Variants in ANK3 observed in about 807,000 individuals in gnomAD.
ANK3 encodes the protein ankyrin-3.
ANK3 carries 57 observed loss-of-function variants against 370.9 expected under a neutral mutation model. That is an observed-to-expected ratio of 0.15 (90% CI 0.12 to 0.19). The LOEUF is 0.19. Among genes scored for constraint, ANK3 ranks in the 10% least tolerant of loss-of-function variants. The pLI is 1.00. For missense variants in ANK3, 4,439 were observed against 5,302.1 expected, an observed-to-expected ratio of 0.84 and a Z score of 5.06; for synonymous variants, 1,929 against 1,946.3, an observed-to-expected ratio of 0.99 and a Z score of 0.23.
chr10:60,295,892 T>G (rs909124813), intron 1 of ANK3, among the ~76,000 whole-genome samples: 3 of 152,200 alleles, frequency 2.0e-5, no homozygotes, highest in African/African-American at 7.2e-5. Flanking sequence ...GGTATTGTTT[T>G]ACGAGTCTGC....
chr10:60,191,049 T>G (rs2096468109), intron 16 of ANK3, among the ~76,000 whole-genome samples: 1 of 152,134 alleles, frequency 6.6e-6, no homozygotes, highest in Non-Finnish European at 1.5e-5. Flanking sequence ...AGAATGAAAC[T>G]GGACCCATAA....
At chr10:60,578,919 A>G (rs2077713905) in intron 2 of ANK3, among the ~76,000 whole-genome samples, 1 of 152,342 alleles carries the variant, frequency 6.6e-6, no homozygotes, top group African/African-American at 2.4e-5. Context: ...AACATGATAT[A>G]ATGATGAGTA....
intron 25 of ANK3, among the ~76,000 whole-genome samples, chr10:60,125,582 C>G (rs1412411313): frequency 1.3e-5 from 2 of 152,166 alleles, no homozygotes. Context: ...TAATCTGAGG[C>G]TGGCTACCTT....
chr10:60,650,236 C>T (rs567249384), intron 1 of ANK3, among the ~76,000 whole-genome samples: 58 of 152,168 alleles, frequency 3.8e-4, no homozygotes, highest in Admixed American at 3.6e-3. Context: ...TTTTTGTAAA[C>T]GAAGTTCTGT....
intron 1 of ANK3, among the ~76,000 whole-genome samples, chr10:60,622,693 A>G (rs2078354287): frequency 6.6e-6 from 1 of 152,184 alleles, no homozygotes; most frequent in Non-Finnish European, 1.5e-5. Context: ...GAATATATTA[A>G]AAGAGCTATC....
chr10:60,491,290 A>C (rs1250531788), intron 2 of ANK3, among the ~76,000 whole-genome samples: 3 of 152,208 alleles, frequency 2.0e-5, no homozygotes, highest in Admixed American at 1.3e-4. Context: ...AAACATATAA[A>C]GTGAGGGATC....
intron 2 of ANK3, among the ~76,000 whole-genome samples, chr10:60,397,690 A>T (rs2063271165): frequency 6.6e-6 from 1 of 152,156 alleles, no homozygotes; most frequent in Non-Finnish European, 1.5e-5. Context: ...TTGGAATCAG[A>T]CTAATTGAGT....
At chr10:60,375,783 C>T (rs952549927) in intron 1 of ANK3, among the ~76,000 whole-genome samples, 3 of 152,186 alleles carry the variant, frequency 2.0e-5, no homozygotes, top group Admixed American at 1.3e-4. Flanking sequence ...AGGTATTTAT[C>T]GTTTCCTTAT....
At chr10:60,034,200 G>T (rs891999560) in intron 43 of ANK3, among the ~76,000 whole-genome samples, 1 of 136,570 alleles carries the variant, frequency 7.3e-6, no homozygotes, top group Non-Finnish European at 1.5e-5. Flanking sequence ...TCCACCTCCC[G>T]GGCTCCAGTG....
At chr10:60,157,533 C>T (rs2095370411) in intron 23 of ANK3, among the ~76,000 whole-genome samples, 1 of 151,728 alleles carries the variant, frequency 6.6e-6, no homozygotes, top group African/African-American at 2.4e-5. Context: ...GACAGAGTCT[C>T]CCTATGTTGC....
At chr10:60,716,309 G>T (rs1030885341) in intron 1 of ANK3, among the ~76,000 whole-genome samples, 1 of 152,076 alleles carries the variant, frequency 6.6e-6, no homozygotes, top group Non-Finnish European at 1.5e-5. Context: ...TACAATCAGA[G>T]TATTGCTTCT....
intron 1 of ANK3, among the ~76,000 whole-genome samples, chr10:60,675,648 G>A (rs2079115234): frequency 6.6e-6 from 1 of 152,174 alleles, no homozygotes; most frequent in Non-Finnish European, 1.5e-5. Flanking sequence ...AAATTTGAGT[G>A]GTTACTTTCT....
At chr10:60,672,357 G>A (rs138702336) in intron 1 of ANK3, among the ~76,000 whole-genome samples, 1 of 152,298 alleles carries the variant, frequency 6.6e-6, no homozygotes, top group East Asian at 1.9e-4. Context: ...GGAAGGACCA[G>A]GCCATGATTA....
chr10:60,232,025 A>G (rs1161586750), intron 8 of ANK3, among the ~76,000 whole-genome samples: 1 of 152,102 alleles, frequency 6.6e-6, no homozygotes, highest in Non-Finnish European at 1.5e-5. Flanking sequence ...TATTTCCTAT[A>G]TTTGGTACTT....
chr10:60,205,782 C>G lies in ANK3; in HGVS notation c.1293+10G>C. The G allele has an allele frequency of 6.2e-7, 1 of 1,603,398 alleles. No individual in the cohort carries two copies. Among genetic ancestry groups the G allele is most frequent in the Non-Finnish European group, 8.5e-7 (1 of 1,170,242 alleles). Reference sequence around the variant, plus strand: ...ATCTCAGGACTCCCAGAAATCTTAACTCTTCTCACCTCGGTTACAGCTTGG... The same window carrying G: ...ATCTCAGGACTCCCAGAAATCTTAAGTCTTCTCACCTCGGTTACAGCTTGG... On this transcript the variant is annotated intron_variant, in intron 11 of 43. Transcript: ENST00000280772.
intron 17 of ANK3, among the ~76,000 whole-genome samples, chr10:60,182,116 A>C (rs1382526569): frequency 6.6e-6 from 1 of 152,122 alleles, no homozygotes; most frequent in Non-Finnish European, 1.5e-5. Context: ...AAGAGTTTTA[A>C]CATATTGCCA....
At chr10:60,540,808 C>T (rs2076829977) in intron 2 of ANK3, among the ~76,000 whole-genome samples, 1 of 151,966 alleles carries the variant, frequency 6.6e-6, no homozygotes, top group Non-Finnish European at 1.5e-5. Flanking sequence ...TAAAATAATT[C>T]TACCTTTAAA....
At chr10:60,398,358 A>T (rs1480484608) in intron 2 of ANK3, among the ~76,000 whole-genome samples, 1 of 152,186 alleles carries the variant, frequency 6.6e-6, no homozygotes, top group Non-Finnish European at 1.5e-5. Context: ...ATAACATATC[A>T]TTCTGAGGGT....
intron 1 of ANK3, among the ~76,000 whole-genome samples, chr10:60,651,300 A>G (rs186018861): frequency 2.6e-4 from 40 of 152,220 alleles, no homozygotes; most frequent in African/African-American, 8.9e-4. Flanking sequence ...AGGATAACAC[A>G]TCAAGATCAG....
Sources: allele counts gnomAD v4.1 joint callset (sites outside exome capture counted in the v4.1 genomes callset), GRCh38; gene constraint gnomAD v4.1.1; transcripts MANE v1.5; gene names NCBI Gene and HGNC (gene_info 2026-07-23, HGNC 2026-07-21).